Variants in YTHDC2 observed in about 807,000 individuals in gnomAD.
YTHDC2 encodes the protein YTH N6-methyladenosine RNA binding protein C2.
In YTHDC2, 45 loss-of-function variants were observed where a neutral mutation model predicts 174.9. That is an observed-to-expected ratio of 0.26 (90% CI 0.20 to 0.33). The LOEUF (loss-of-function observed/expected upper bound fraction) is 0.33. Among genes scored for constraint, YTHDC2 ranks in the 10% least tolerant of loss-of-function variants. YTHDC2 has a pLI of 1.00. For synonymous variants in YTHDC2, 657 were observed against 574.5 expected, an observed-to-expected ratio of 1.14 and a Z score of -2.05; for missense variants, 1,650 against 1,723.7, an observed-to-expected ratio of 0.96 and a Z score of 0.76.
chr5:113,593,165 C>A (rs547984842), intron 28 of YTHDC2, 138 bp from the exon 29 acceptor site: 5 of 611,536 alleles, frequency 8.2e-6, no homozygotes, highest in Middle Eastern at 4.4e-4. Flanking sequence ...ACAATTCATA[C>A]CAGATGATTT....
intron 9 of YTHDC2, among the ~76,000 whole-genome samples, chr5:113,541,787 A>G (rs1055746558): frequency 2.0e-5 from 3 of 152,026 alleles, no homozygotes; most frequent in Admixed American, 2.0e-4. Context: ...AATATACTAT[A>G]TATATAATGA....
intron 4 of YTHDC2, among the ~76,000 whole-genome samples, chr5:113,529,273 A>G (rs1369773073): frequency 6.6e-6 from 1 of 152,194 alleles, no homozygotes; most frequent in Admixed American, 6.5e-5. Flanking sequence ...ACGGATGTTA[A>G]TCTACTCTAG....
rs1779146214 is a variant in YTHDC2 at position 113,594,179 on chromosome 5, G to T, written c.*705G>T. ...TTCCTAATTCTGCCCCTTTTAACCTGATGTGTACCTTACTCTTTCCTCCCT... is the reference window on the plus strand; with the variant it reads ...TTCCTAATTCTGCCCCTTTTAACCTTATGTGTACCTTACTCTTTCCTCCCT... On this transcript the variant is annotated 3_prime_UTR_variant, in exon 30 of 30. Coordinates refer to ENST00000161863, the MANE Select transcript of YTHDC2 (RefSeq NM_022828.5). 6.6e-6 allele frequency: 1 copy of T among 151,874 alleles called. No individual in the cohort carries two copies. Among genetic ancestry groups the T allele is most frequent in the South Asian group, 2.1e-4 (1 of 4,816 alleles). The allele number at this position is 151,874 out of a possible 1,614,324, so 9.4% of individuals were successfully genotyped here. A position where few individuals can be genotyped will look rare whatever the true frequency, so the allele number is the denominator to read the frequency against.
chr5:113,589,410 T>TATATATAC (rs1778885070), intron 26 of YTHDC2, among the ~76,000 whole-genome samples: 1 of 94,138 alleles, frequency 1.1e-5, no homozygotes, highest in Non-Finnish European at 2.2e-5. Flanking sequence ...AAAAAAAAAA[T>TATATATAC]ATATATATAT....
At chr5:113,565,792 T>A in intron 20 of YTHDC2, 101 bp from the exon 21 acceptor site, 1 of 1,261,006 alleles carries the variant, frequency 7.9e-7, no homozygotes, top group Non-Finnish European at 1.1e-6. Context: ...ATAAGGCAAA[T>A]TCACGTCGAG....
At position 113,561,369 on chromosome 5, in the gene YTHDC2, A is replaced by G. The variant is rs140303723; in HGVS notation, c.2322+184A>G. 1.9e-3 allele frequency among the ~76,000 whole-genome samples: 284 copies of G among 148,482 alleles called. 2 individuals carry two copies. Among genetic ancestry groups the G allele is most frequent in the East Asian group, 0.013 (68 of 5,150 alleles). ...CTATATAAGAAAATTTAATTCATAA[A>G]CCATCAAAATTTTAAAGAATCACTT... On this transcript the variant is annotated intron_variant, in intron 18 of 29. Coordinates refer to ENST00000161863, the MANE Select transcript of YTHDC2 (RefSeq NM_022828.5).
intron 21 of YTHDC2, among the ~76,000 whole-genome samples, chr5:113,566,849 A>G (rs1356142092): frequency 1.3e-5 from 2 of 151,974 alleles, no homozygotes; most frequent in African/African-American, 2.4e-5. Flanking sequence ...TTAAGCCCCA[A>G]GTGATTCTTA....
At chr5:113,548,135 A>C (rs1297215969) in intron 10 of YTHDC2, among the ~76,000 whole-genome samples, 1 of 152,198 alleles carries the variant, frequency 6.6e-6, no homozygotes, top group Non-Finnish European at 1.5e-5. Context: ...AGTATTCATT[A>C]CTAGTTACTG....
In YTHDC2 at chr5:113,579,578, T is replaced by G. The variant is rs1341294991; in HGVS notation, c.3245-8T>G. On this transcript the variant is annotated splice_polypyrimidine_tract_variant and splice_region_variant and intron_variant, in intron 23 of 29. Transcript: ENST00000161863. ...AAGTGATTTTTTTTTCATTATGTACTTGGACAGTGGATGGCATTCCCAATG... is the reference window on the plus strand; with the variant it reads ...AAGTGATTTTTTTTTCATTATGTACGTGGACAGTGGATGGCATTCCCAATG... 1 of 1,586,776 alleles carries G rather than the reference T, an allele frequency of 6.3e-7. No homozygotes were observed. The highest frequency in any genetic ancestry group is 1.4e-5 in the African/African-American group (1 of 73,484).
chr5:113,526,446 G>A, intron 3 of YTHDC2, 140 bp from the exon 4 acceptor site: 1 of 592,598 alleles, frequency 1.7e-6, no homozygotes. Context: ...GAGTAGAGAA[G>A]AAAACATTTG....
intron 28 of YTHDC2, chr5:113,592,394 T>G (rs1216666762): frequency 2.5e-6 from 1 of 402,000 alleles, no homozygotes; most frequent in East Asian, 4.0e-5. Flanking sequence ...CAATAGTATT[T>G]AACTTCTCTT....
rs1026735309 is a variant in YTHDC2, at chr5:113,581,445, A to G, written c.3383A>G (p.Gln1128Arg). 1.3e-5 allele frequency: 21 copies of G among 1,610,092 alleles called. No individual in the cohort carries two copies. The highest frequency in any genetic ancestry group is 1.7e-5 in the Non-Finnish European group (20 of 1,178,572). ...GCTAGTTTATTGCTGCAGCTCAGACAGAAGTGGCATAGCTTATTTTTACGC... is the reference window on the plus strand; with the variant it reads ...GCTAGTTTATTGCTGCAGCTCAGACGGAAGTGGCATAGCTTATTTTTACGC... ...EAASLLLQLR[Q>R]KWHSLFLRRM... Residue 1128 changes from glutamine to arginine, a missense_variant, in exon 25 of 30, where the codon CAG (glutamine) becomes CGG (arginine). Physicochemically the swap from Gln to Arg is conservative, Grantham distance 43. Around this residue, in one of 5 missense-constraint regions of YTHDC2, gnomAD observed 913 missense variants for 940.4 expected, o/e 0.97. Transcript: ENST00000161863.
chr5:113,567,663 G>T lies in YTHDC2; in HGVS notation c.3058G>T (p.Ala1020Ser). The T allele has an allele frequency of 1.9e-6, 3 of 1,596,022 alleles. No individual in the cohort carries two copies. Among genetic ancestry groups the T allele is most frequent in the Non-Finnish European group, 2.6e-6 (3 of 1,173,932 alleles). ...TTTATTTTCTTAATAGATTCCTCCA[G>T]CCAATGGTCAAGCTGCAGCAATTAA... ...SQPQYKKIPP[A>S]NGQAAAIKAL... is the part of the protein sequence containing the mutation. The change falls in exon 23 of 30, where the codon GCC (alanine) becomes TCC (serine). Residue 1020 changes from alanine to serine, a missense_variant. Transcript: ENST00000161863.
intron 23 of YTHDC2, among the ~76,000 whole-genome samples, chr5:113,575,304 A>G (rs1435343187): frequency 6.6e-6 from 1 of 152,226 alleles, no homozygotes; most frequent in Non-Finnish European, 1.5e-5. Context: ...TATGTCAGGT[A>G]CTGTGCTAGA....
chr5:113,532,979 G>C lies in YTHDC2; in HGVS notation c.776G>C (p.Arg259Thr). The C allele has an allele frequency of 6.2e-7, 1 of 1,614,212 alleles. No individual in the cohort carries two copies. Among genetic ancestry groups the C allele is most frequent in the Non-Finnish European group, 8.5e-7 (1 of 1,180,036 alleles). The change falls in exon 5 of 30, where the codon AGA becomes ACA. Residue 259 changes from arginine (R) to threonine (T), a missense_variant. Physicochemically the swap from Arg to Thr is moderately conservative, Grantham distance 71. Transcript: ENST00000161863. Reference sequence around the variant, plus strand: ...TTGGCAGCTATCGCTGTGGCTGAAAGAGTTGCCGCAGAGAGACGGGAAAGG... The same window carrying C: ...TTGGCAGCTATCGCTGTGGCTGAAACAGTTGCCGCAGAGAGACGGGAAAGG... ...RRLAAIAVAE[R>T]VAAERRERIG...
At chr5:113,589,764 C>T (rs949742458) in intron 26 of YTHDC2, among the ~76,000 whole-genome samples, 4 of 151,994 alleles carry the variant, frequency 2.6e-5, no homozygotes, top group African/African-American at 4.8e-5. Context: ...TTCCATTTCT[C>T]CTCTCATTAT....
chr5:113,553,864 A>T lies in YTHDC2; in HGVS notation c.2052+10A>T. On this transcript the variant is annotated intron_variant, in intron 15 of 29. Transcript: ENST00000161863. ...AGGTGTTCGAAAAATAGTAAGCTTCATAAAATCTTCTTTTTAACACTTTCA... is the reference window on the plus strand; with the variant it reads ...AGGTGTTCGAAAAATAGTAAGCTTCTTAAAATCTTCTTTTTAACACTTTCA... 6.3e-7 allele frequency: 1 copy of T among 1,577,376 alleles called. No individual in the cohort carries two copies. The highest frequency in any genetic ancestry group is 8.5e-7 in the Non-Finnish European group (1 of 1,172,764).
Position 113,567,204 on chromosome 5 carries a change from C to T in YTHDC2, c.2955C>T (p.His985=), listed in dbSNP as rs1248504541. 5 of 1,613,556 alleles carry T rather than the reference C, an allele frequency of 3.1e-6. No individual in the cohort carries two copies. The highest frequency in any genetic ancestry group is 2.2e-5 in the East Asian group (1 of 44,854). Residue 985 remains histidine, a synonymous_variant, in exon 22 of 30, where the codon CAC becomes CAT. Transcript: ENST00000161863. ...LVAGMYPNLV[H]VDRENLVLTG... ...CAGGCATGTATCCTAATTTAGTCCACGTGGACAGAGAGAATCTAGTGTTGA... is the reference window on the plus strand; with the variant it reads ...CAGGCATGTATCCTAATTTAGTCCATGTGGACAGAGAGAATCTAGTGTTGA...
intron 18 of YTHDC2, among the ~76,000 whole-genome samples, chr5:113,563,082 T>G (rs80144107): frequency 7.0e-6 from 1 of 143,320 alleles, no homozygotes; most frequent in South Asian, 2.2e-4. Context: ...TTTTTTTTTT[T>G]GGACAGTGAC....
Sources: gnomAD v4.1 joint callset for allele counts (sites outside exome capture counted in the v4.1 genomes callset) on GRCh38, gnomAD v4.1.1 for gene constraint, gnomAD v4.1.1 regional missense constraint, MANE v1.5 for transcripts, NCBI Gene and HGNC (gene_info 2026-07-23, HGNC 2026-07-21) for gene names.